The following SPICE1 variants were observed in gnomAD, a reference collection of about 807,000 sequenced individuals.
SPICE1 encodes the protein spindle and centriole-associated protein 1.
A neutral mutation model predicts 102.7 loss-of-function variants in SPICE1; 75 were observed. That is an observed-to-expected ratio of 0.73 (90% CI 0.61 to 0.88). The LOEUF (loss-of-function observed/expected upper bound fraction) is 0.88. SPICE1 is among the 40% of genes least tolerant of loss of function. The pLI is 0.00. For missense variants in SPICE1, 979 were observed against 1,020.1 expected (o/e 0.96, Z 0.55); for synonymous variants, 308 against 350.3 (o/e 0.88, Z 1.35).
At chr3:113,476,040 T>G (rs561948985) in intron 7 of SPICE1, among the ~76,000 whole-genome samples, 2 of 152,278 alleles carry the variant, frequency 1.3e-5, no homozygotes, top group Non-Finnish European at 2.9e-5. Context: ...AAAACCCCGT[T>G]GTCTCAGCTC....
intron 15 of SPICE1, chr3:113,448,919 A>G (rs1207429107): frequency 6.6e-6 from 1 of 152,202 alleles, no homozygotes. Context: ...TACTTATAAA[A>G]AGAATACTTT....
chr3:113,468,757 T>G lies in SPICE1; in HGVS notation c.889+5A>C. 6.2e-7 allele frequency: 1 copy of G among 1,611,098 alleles called. No homozygotes were observed. Among genetic ancestry groups the G allele is most frequent in the African/African-American group, 1.3e-5 (1 of 74,894 alleles). ...TATTCATCTTTGTAAATTAAGGGAC[T>G]GAACCTTTATTTAACAGCTGTTTTT... On this transcript the variant is annotated splice_donor_5th_base_variant and intron_variant, in intron 9 of 17. Transcript: ENST00000295872.
At chr3:113,502,666 A>G (rs970716188) in intron 3 of SPICE1, among the ~76,000 whole-genome samples, 3 of 131,962 alleles carry the variant, frequency 2.3e-5, no homozygotes, top group African/African-American at 8.8e-5. Flanking sequence ...AAATCTTAAA[A>G]AAAAAAAAAA....
chr3:113,509,047 G>C (rs1937167325), intron 1 of SPICE1, among the ~76,000 whole-genome samples: 1 of 152,134 alleles, frequency 6.6e-6, no homozygotes, highest in African/African-American at 2.4e-5. Context: ...TAAATCCACA[G>C]AGACATAGAT....
intron 14 of SPICE1, among the ~76,000 whole-genome samples, chr3:113,451,733 T>A (rs74445701): frequency 0.012 from 1,903 of 152,326 alleles, 33 homozygotes; most frequent in African/African-American, 0.035. Flanking sequence ...TATTTACTTA[T>A]ATACACCACT....
intron 7 of SPICE1, among the ~76,000 whole-genome samples, chr3:113,475,607 C>A (rs922358784): frequency 1.3e-5 from 2 of 152,092 alleles, no homozygotes; most frequent in African/African-American, 2.4e-5. Flanking sequence ...GGCTTCATCC[C>A]TGGGATGCAA....
At chr3:113,452,473 C>T (rs1040041308) in intron 14 of SPICE1, among the ~76,000 whole-genome samples, 1 of 148,922 alleles carries the variant, frequency 6.7e-6, no homozygotes, top group Non-Finnish European at 1.5e-5. Flanking sequence ...CACTTGTGGT[C>T]AGGAGTTCGA....
chr3:113,512,774 G>T (rs1188374468), intron 1 of SPICE1, among the ~76,000 whole-genome samples: 2 of 151,910 alleles, frequency 1.3e-5, no homozygotes, highest in Non-Finnish European at 2.9e-5. Flanking sequence ...ATTTAATCAA[G>T]GATTTCCACC....
At chr3:113,483,556 G>A (rs1470876330) in intron 7 of SPICE1, among the ~76,000 whole-genome samples, 9 of 152,080 alleles carry the variant, frequency 5.9e-5, no homozygotes, top group East Asian at 3.9e-4. Context: ...ATGTTCCACC[G>A]ATACCTAGTT....
At chr3:113,453,391 TTTC>T (rs761319448) in intron 14 of SPICE1, 72 bp downstream of exon 14, 1 of 1,509,666 alleles carries the variant, frequency 6.6e-7, no homozygotes, top group Non-Finnish European at 8.9e-7. Context: ...TGAAAAGAAG[TTTC>T]TTAAGTTGCC....
intron 5 of SPICE1, among the ~76,000 whole-genome samples, chr3:113,493,687 C>T (rs1476221371): frequency 2.6e-5 from 4 of 152,104 alleles, no homozygotes; most frequent in South Asian, 2.1e-4. Flanking sequence ...ATAAATAATG[C>T]GTGTATCTGA....
chr3:113,451,282 T>C (rs942943007), intron 14 of SPICE1, among the ~76,000 whole-genome samples: 6 of 152,024 alleles, frequency 3.9e-5, no homozygotes, highest in South Asian at 2.1e-4. Context: ...GGGTAAAAAA[T>C]AGCCGCCCAA....
At chr3:113,512,512 G>A (rs780524324) in intron 1 of SPICE1, among the ~76,000 whole-genome samples, 7 of 148,868 alleles carry the variant, frequency 4.7e-5, no homozygotes, top group East Asian at 2.0e-4. Context: ...GGGTTCAAGC[G>A]ATTCTCCTCC....
At chr3:113,511,258 G>C (rs1168699785) in intron 1 of SPICE1, among the ~76,000 whole-genome samples, 1 of 151,906 alleles carries the variant, frequency 6.6e-6, no homozygotes, top group African/African-American at 2.4e-5. Context: ...TCACATTTCT[G>C]CATATATACC....
At chr3:113,481,907 A>T (rs1936516682) in intron 7 of SPICE1, among the ~76,000 whole-genome samples, 1 of 152,170 alleles carries the variant, frequency 6.6e-6, no homozygotes, top group African/African-American at 2.4e-5. Flanking sequence ...AGAATGATTT[A>T]TAATCCTTTG....
At chr3:113,480,694 T>G (rs1359073899) in intron 7 of SPICE1, among the ~76,000 whole-genome samples, 1 of 151,876 alleles carries the variant, frequency 6.6e-6, no homozygotes, top group African/African-American at 2.4e-5. Context: ...AAAACAAGAA[T>G]TGATTGGCAT....
chr3:113,480,032 T>G (rs1936454560), intron 7 of SPICE1, among the ~76,000 whole-genome samples: 1 of 151,986 alleles, frequency 6.6e-6, no homozygotes, highest in South Asian at 2.1e-4. Flanking sequence ...AATAAATGAT[T>G]GAGGAGAACA....
At position 113,468,214 on chromosome 3, in the gene SPICE1, C is replaced by T. The variant is rs766119203; in HGVS notation, c.1080G>A (p.Gln360=). 2 of 1,614,198 alleles carry T rather than the reference C, an allele frequency of 1.2e-6. No homozygotes were observed. Among genetic ancestry groups the T allele is most frequent in the Admixed American group, 3.3e-5 (2 of 60,030 alleles). Residue 360 remains glutamine, a synonymous_variant, in exon 10 of 18, where the codon CAG becomes CAA. Transcript: ENST00000295872. ...RWTGREVKGL[Q]SSQGLTGFTL... ...TGAAGCCTGTAAGACCCTGACTGCT[C>T]TGCAGACCCTTGACCTCGCGACCTG...
intron 2 of SPICE1, among the ~76,000 whole-genome samples, chr3:113,503,946 A>G (rs904788616): frequency 9.2e-5 from 14 of 151,728 alleles, no homozygotes; most frequent in Admixed American, 2.6e-4. Flanking sequence ...AAAAAAAAAA[A>G]AAAAAAAGAA....
Sources: gnomAD v4.1 joint callset for allele counts (sites outside exome capture counted in the v4.1 genomes callset) on GRCh38, gnomAD v4.1.1 for gene constraint, MANE v1.5 for transcripts, NCBI Gene and HGNC (gene_info 2026-07-23, HGNC 2026-07-21) for gene names.